The following SNCG variants were observed in gnomAD, a reference collection of about 807,000 sequenced individuals.
SNCG encodes the protein synuclein gamma.
A neutral mutation model predicts 16.0 loss-of-function variants in SNCG; 13 were observed. That is an observed-to-expected ratio of 0.81 (90% CI 0.53 to 1.29). The LOEUF is 1.29. SNCG is among the 50% of genes most tolerant of loss of function. The pLI is 0.00. For missense variants in SNCG, 154 were observed against 168.5 expected (o/e 0.91, Z 0.48); for synonymous variants, 66 against 66.3 (o/e 1.00, Z 0.02).
chr10:86,958,497 T>TCCCAACCAACC, upstream of SNCG: 1 of 1,098,156 alleles, frequency 9.1e-7, no homozygotes, highest in Non-Finnish European at 1.2e-6. Flanking sequence ...TGAACCTCCT[T>TCCCAACCAACC]CCCTCCCTCC....
In SNCG at chr10:86,959,049, G is replaced by T. The variant is rs79742456; in HGVS notation, c.121+231G>T. On this transcript the variant is annotated intron_variant, in intron 1 of 4. Transcript: ENST00000372017. The surrounding 1 kb of genome is among the most constrained non-coding windows in gnomAD (Gnocchi z 4.3). ...TCTGGGTGTCAGAGACCGCAGACAG[G>T]GCTGGCTACCTGTCTGTGCACGCAC... 6.6e-6 allele frequency among the ~76,000 whole-genome samples: 1 copy of T among 152,094 alleles called. No individual in the cohort carries two copies. Among genetic ancestry groups the T allele is most frequent in the African/African-American group, 2.4e-5 (1 of 41,404 alleles).
chr10:86,959,639 A>C lies in SNCG; in HGVS notation c.128A>C (p.Lys43Thr), dbSNP rs761136432. ...AGCTCCATTTCCTCCCCAGGAGCCA[A>C]GACCAAGGAGAATGTTGTACAGAGC... ...TKEGVMYVGA[K>T]TKENVVQSVT... Residue 43 changes from lysine (K) to threonine (T), a missense_variant, in exon 2 of 5, where the codon AAG (lysine) becomes ACG (threonine). By Grantham distance (78) the Lys-to-Thr change is moderately conservative. Transcript: ENST00000372017. The surrounding 1 kb of genome is among the most constrained non-coding windows in gnomAD (Gnocchi z 4.3). The C allele has an allele frequency of 2.5e-5, 40 of 1,613,482 alleles. No homozygotes were observed. In the South Asian group the frequency reaches 4.3e-4, roughly 17 times the overall value.
chr10:86,957,262 T>C (rs552641072), upstream of SNCG: 55 of 1,067,402 alleles, frequency 5.2e-5, no homozygotes, highest in South Asian at 6.6e-4. Flanking sequence ...CAGAGATAGA[T>C]ACTATTAGCC....
chr10:86,958,497 T>TGCCCA, upstream of SNCG: 3 of 1,098,144 alleles, frequency 2.7e-6, no homozygotes, highest in Non-Finnish European at 3.5e-6. Flanking sequence ...TGAACCTCCT[T>TGCCCA]CCCTCCCTCC....
chr10:86,962,358 G>A (rs1477966156), intron 3 of SNCG, among the ~76,000 whole-genome samples: 1 of 152,168 alleles, frequency 6.6e-6, no homozygotes, highest in Non-Finnish European at 1.5e-5. Context: ...AGAGACTGGG[G>A]ACCAGCTTGA....
At chr10:86,960,208 C>T in intron 3 of SNCG, 80 bp downstream of exon 3, 2 of 1,387,604 alleles carry the variant, frequency 1.4e-6, no homozygotes, top group Non-Finnish European at 2.0e-6. Flanking sequence ...TCACTCCACT[C>T]CACACCCCAG....
chr10:86,958,588 G>C (rs1375830762), upstream of SNCG: 34 of 1,535,202 alleles, frequency 2.2e-5, no homozygotes, highest in Non-Finnish European at 6.1e-6. Flanking sequence ...GCGTCAATAG[G>C]AGGCATCGGG....
Position 86,959,113 on chromosome 10 carries a change from G to T in SNCG, c.121+295G>T, listed in dbSNP as rs759143131. 4.6e-5 allele frequency among the ~76,000 whole-genome samples: 7 copies of T among 152,138 alleles called. No individual in the cohort carries two copies. The highest frequency in any genetic ancestry group is 8.8e-5 in the Non-Finnish European group (6 of 67,996). On this transcript the variant is annotated intron_variant, in intron 1 of 4. Coordinates refer to ENST00000372017, the MANE Select transcript of SNCG (RefSeq NM_003087.3). The surrounding 1 kb of genome is among the most constrained non-coding windows in gnomAD (Gnocchi z 4.3). ...AGCATACCAGCCTCCCCTGAGCCTG[G>T]AGCCCCTGAAGCCATGAGCAGCCTG...
intron 3 of SNCG, among the ~76,000 whole-genome samples, chr10:86,961,767 C>T (rs1478666761): frequency 6.6e-6 from 1 of 152,188 alleles, no homozygotes; most frequent in Non-Finnish European, 1.5e-5. Context: ...CCCTGGATAG[C>T]CTGGCCGACT....
At position 86,958,728 on chromosome 10, in the gene SNCG, G is replaced by A. The variant is rs953173688; in HGVS notation, c.31G>A (p.Ala11Thr). Residue 11 changes from alanine (A) to threonine (T), a missense_variant, in exon 1 of 5, where the codon GCC becomes ACC. By Grantham distance (58) the Ala-to-Thr change is moderately conservative. Transcript: ENST00000372017. MDVFKKGFSIAKEGVVGAVEK... is the reference protein window; with the variant it reads MDVFKKGFSITKEGVVGAVEK... ...TGTCTTCAAGAAGGGCTTCTCCATC[G>A]CCAAGGAGGGCGTGGTGGGTGCGGT... is the stretch of plus-strand genomic sequence containing the variant. The A allele has an allele frequency of 1.9e-6, 3 of 1,613,920 alleles. No homozygotes were observed. Among genetic ancestry groups the A allele is most frequent in the Non-Finnish European group, 1.7e-6 (2 of 1,179,980 alleles).
At position 86,959,643 on chromosome 10, in the gene SNCG, C is replaced by T; in HGVS notation, c.132C>T (p.Thr44=). 1.9e-6 allele frequency: 3 copies of T among 1,613,492 alleles called. No homozygotes were observed. Among genetic ancestry groups the T allele is most frequent in the Middle Eastern group, 1.7e-4 (1 of 6,058 alleles). ...KEGVMYVGAK[T]KENVVQSVTS... is the part of the protein sequence containing the mutation. ...CCATTTCCTCCCCAGGAGCCAAGAC[C>T]AAGGAGAATGTTGTACAGAGCGTGA... Residue 44 remains threonine (T), a synonymous_variant, in exon 2 of 5, where the codon ACC becomes ACT. Transcript: ENST00000372017. This position sits in a 1 kb window ranked among gnomAD's most constrained non-coding sequence, Gnocchi z 4.3.
chr10:86,959,265 C>A lies in SNCG; in HGVS notation c.122-368C>A. The A allele has an allele frequency of 2.5e-6, 1 of 397,498 alleles. No homozygotes were observed. Among genetic ancestry groups the A allele is most frequent in the African/African-American group, 2.1e-5 (1 of 48,202 alleles). The allele number at this position is 397,498 out of a possible 1,614,324, so 24.6% of individuals were successfully genotyped here. On this transcript the variant is annotated intron_variant, in intron 1 of 4. Transcript: ENST00000372017. This position sits in a 1 kb window ranked among gnomAD's most constrained non-coding sequence, Gnocchi z 4.3. ...AGGCTCAGTGTTCCCTCCCCCGCAT[C>A]CTCTCCTGGCACTCTCCAGAGGAGG... is the stretch of plus-strand genomic sequence containing the variant.
chr10:86,962,152 G>A (rs1844362736), intron 3 of SNCG, among the ~76,000 whole-genome samples: 1 of 152,182 alleles, frequency 6.6e-6, no homozygotes, highest in African/African-American at 2.4e-5. Flanking sequence ...CCACCACTTT[G>A]AGCTCGAAGG....
rs1844310294 is a variant in SNCG, at chr10:86,959,896, C to A, written c.164-105C>A. 2.6e-6 allele frequency: 4 copies of A among 1,513,082 alleles called. No individual in the cohort carries two copies. Among genetic ancestry groups the A allele is most frequent in the Non-Finnish European group, 3.6e-6 (4 of 1,121,746 alleles). The allele number at this position is 1,513,082 out of a possible 1,614,324, so 93.7% of individuals were successfully genotyped here. A position where few individuals can be genotyped will look rare whatever the true frequency, so the allele number is the denominator to read the frequency against. On this transcript the variant is annotated intron_variant, in intron 2 of 4. Coordinates refer to ENST00000372017, the MANE Select transcript of SNCG (RefSeq NM_003087.3). This position sits in a 1 kb window ranked among gnomAD's most constrained non-coding sequence, Gnocchi z 4.3. ...CAGAGGGAGCAGGGGAGGGTCCCAG[C>A]AGGGCCAGGGCTCTGAGCTCCTGGG... is the stretch of plus-strand genomic sequence containing the variant.
At chr10:86,960,269 G>A (rs1475101567) in intron 3 of SNCG, 141 bp downstream of exon 3, 5 of 794,840 alleles carry the variant, frequency 6.3e-6, no homozygotes, top group South Asian at 3.7e-5. Context: ...CCCACTGAGC[G>A]CCGGCATGGG....
chr10:86,961,461 A>C (rs71473289), intron 3 of SNCG, among the ~76,000 whole-genome samples: 12,107 of 151,996 alleles, frequency 0.08, 533 homozygotes, highest in Middle Eastern at 0.17. Flanking sequence ...CATCATCATC[A>C]TGTGTCCCAG....
chr10:86,958,976 A>G (rs1390115457), intron 1 of SNCG, among the ~76,000 whole-genome samples, 158 bp downstream of exon 1: 4 of 152,154 alleles, frequency 2.6e-5, no homozygotes, highest in African/African-American at 4.8e-5. Flanking sequence ...AGCACCCACA[A>G]TGCCCTGTGC....
At position 86,958,740 on chromosome 10, in the gene SNCG, G is replaced by T; in HGVS notation, c.43G>T (p.Val15Leu). Residue 15 changes from valine to leucine, a missense_variant, in exon 1 of 5, where the codon GTG (valine) becomes TTG (leucine). Coordinates refer to ENST00000372017, the MANE Select transcript of SNCG (RefSeq NM_003087.3). ...GGGCTTCTCCATCGCCAAGGAGGGC[G>T]TGGTGGGTGCGGTGGAAAAGACCAA... Reference protein sequence around the residue: ...KKGFSIAKEGVVGAVEKTKQG... With the variant: ...KKGFSIAKEGLVGAVEKTKQG... The T allele has an allele frequency of 6.2e-7, 1 of 1,614,048 alleles. No homozygotes were observed. The highest frequency in any genetic ancestry group is 8.5e-7 in the Non-Finnish European group (1 of 1,179,958).
chr10:86,959,015 CTCGGGGCCTCT>C lies in SNCG; in HGVS notation c.121+198_121+208del, dbSNP rs141916665. Among the ~76,000 whole-genome samples the C allele has an allele frequency of 0.012, 1,875 of 152,278 alleles. 17 individuals are homozygous for C. Among genetic ancestry groups the C allele is most frequent in the Non-Finnish European group, 0.019 (1,277 of 68,004 alleles). ...CCTATGTGTGTTTGTCTTTGGCCTC[CTCGGGGCCTCT>C]GGGTGTCAGAGACCGCAGACAGGGC... On this transcript the variant is annotated intron_variant, in intron 1 of 4. Transcript: ENST00000372017. The surrounding 1 kb of genome is among the most constrained non-coding windows in gnomAD (Gnocchi z 4.3).
Sources: allele counts gnomAD v4.1 joint callset (sites outside exome capture counted in the v4.1 genomes callset), GRCh38; gene constraint gnomAD v4.1.1; non-coding constraint Gnocchi (gnomAD v3.1); transcripts MANE v1.5; gene names NCBI Gene and HGNC (gene_info 2026-07-23, HGNC 2026-07-21).